SLC7A7: variants seen among roughly 807,000 people sequenced by gnomAD.
The protein encoded by SLC7A7 is Y+L amino acid transporter 1.
A neutral mutation model predicts 47.9 loss-of-function variants in SLC7A7; 39 were observed. The observed-to-expected ratio is 0.81, with a 90% CI of 0.63 to 1.06. The LOEUF (loss-of-function observed/expected upper bound fraction) is 1.06. Ranked by LOEUF, SLC7A7 falls within the 50% of genes least tolerant of loss-of-function variation. SLC7A7 has a pLI of 0.00. For synonymous variants in SLC7A7, 234 were observed against 242.8 expected (o/e 0.96, Z 0.34); for missense variants, 588 against 632.0 (o/e 0.93, Z 0.75).
chr14:22,774,303 A>G (rs1224919866), intron 8 of SLC7A7, 51 bp downstream of exon 8: 1 of 1,613,498 alleles, frequency 6.2e-7, no homozygotes, highest in East Asian at 2.2e-5. Context: ...CCCTTGTAGC[A>G]ACAACTCCAG....
rs746407012 is a variant in SLC7A7 at position 22,795,386 on chromosome 14, C to CTTGCTTGCTT, written c.500-15336_500-15335insAAGCAAGCAA. 8.8e-3 allele frequency among the ~76,000 whole-genome samples: 213 copies of CTTGCTTGCTT among 24,318 alleles called. 2 individuals are homozygous for CTTGCTTGCTT. Among genetic ancestry groups the CTTGCTTGCTT allele is most frequent in the Middle Eastern group, 0.015 (1 of 66 alleles). The allele number at this position is 24,318 out of a possible 152,430, so 16.0% of individuals were successfully genotyped here. A position where few individuals can be genotyped will look rare whatever the true frequency, so the allele number is the denominator to read the frequency against. The stretch of plus-strand genomic sequence containing the variant: ...GCCCAATCTGAGTATTGCTTGCTTG[C>CTTGCTTGCTT]TTTCTTTCTTTCTTTCTTTCTTTCT... On this transcript the variant is annotated intron_variant, in intron 2 of 9. Transcript: ENST00000674313.
Position 22,774,080 on chromosome 14 carries a change from T to A in SLC7A7, c.1282A>T (p.Thr428Ser). Residue 428 changes from threonine (T) to serine (S), a missense_variant, in exon 9 of 10, where the codon ACC becomes TCC. By Grantham distance (58) the Thr-to-Ser change is moderately conservative. Coordinates refer to ENST00000674313, the MANE Select transcript of SLC7A7 (RefSeq NM_003982.4). The stretch of plus-strand genomic sequence containing the variant: ...AGTGGAACAGCCACCAGGAAGATGG[T>A]GCAGAGGCAGAAGACAATCGGGAAG... ...VFFPIVFCLC[T>S]IFLVAVPLYS... The A allele has an allele frequency of 1.2e-6, 2 of 1,613,962 alleles. No individual in the cohort carries two copies. The highest frequency in any genetic ancestry group is 1.7e-6 in the Non-Finnish European group (2 of 1,179,996).
chr14:22,812,501 A>T (rs182192774), intron 2 of SLC7A7, among the ~76,000 whole-genome samples: 2,049 of 150,920 alleles, frequency 0.014, 22 homozygotes, highest in Non-Finnish European at 0.019. Context: ...AGAAAAAAAA[A>T]TCAGTGTGCC....
chr14:22,813,191 C>T lies in SLC7A7; in HGVS notation c.208G>A (p.Gly70Ser), dbSNP rs1195832434. The T allele has an allele frequency of 6.2e-7, 1 of 1,614,170 alleles. No homozygotes were observed. Among genetic ancestry groups the T allele is most frequent in the East Asian group, 2.2e-5 (1 of 44,882 alleles). ...KGVLIYSASFGLSLVIWAVGG... is the reference protein window; with the variant it reads ...KGVLIYSASFSLSLVIWAVGG... Reference sequence around the variant, plus strand: ...ACAGCCCAGATGACCAGAGAGAGACCAAAGGAGGCACTGTATATGAGCACA... The same window carrying T: ...ACAGCCCAGATGACCAGAGAGAGACTAAAGGAGGCACTGTATATGAGCACA... Residue 70 changes from glycine (G) to serine (S), a missense_variant, in exon 2 of 10, where the codon GGT (glycine) becomes AGT (serine). By Grantham distance (56) the Gly-to-Ser change is moderately conservative. Transcript: ENST00000674313.
chr14:22,790,209 G>A (rs1266113373), intron 2 of SLC7A7, among the ~76,000 whole-genome samples: 1 of 151,644 alleles, frequency 6.6e-6, no homozygotes, highest in Non-Finnish European at 1.5e-5. Flanking sequence ...TGCACCTGTA[G>A]TCTCAACTAC....
At position 22,802,265 on chromosome 14, in the gene SLC7A7, G is replaced by T. The variant is rs149473504; in HGVS notation, c.499+10635C>A. ...TAAAAATACAAAAATTAGCAGGGCG[G>T]GGTGACATGCACCTGTAGTCCCAGC... On this transcript the variant is annotated intron_variant, in intron 2 of 9. Coordinates refer to ENST00000674313, the MANE Select transcript of SLC7A7 (RefSeq NM_003982.4). 3.4e-3 allele frequency among the ~76,000 whole-genome samples: 519 copies of T among 152,042 alleles called. 3 individuals carry two copies. Among genetic ancestry groups the T allele is most frequent in the African/African-American group, 0.012 (501 of 41,476 alleles).
chr14:22,779,359 A>C (rs959538437), intron 3 of SLC7A7, among the ~76,000 whole-genome samples: 2 of 152,192 alleles, frequency 1.3e-5, no homozygotes, highest in African/African-American at 4.8e-5. Context: ...GGCAGCGTGC[A>C]TGGAAGTTAA....
chr14:22,774,519 T>G lies in SLC7A7; in HGVS notation c.1096-16A>C. Reference sequence around the variant, plus strand: ...CCATGATACCCTGTAAGCGTGAGCCTAAGTCAGCTCTTCTCAGGGCCTTTG... The same window carrying G: ...CCATGATACCCTGTAAGCGTGAGCCGAAGTCAGCTCTTCTCAGGGCCTTTG... On this transcript the variant is annotated splice_polypyrimidine_tract_variant and intron_variant, in intron 7 of 9. Transcript: ENST00000674313. The G allele has an allele frequency of 6.2e-7, 1 of 1,614,164 alleles. No homozygotes were observed. The highest frequency in any genetic ancestry group is 8.5e-7 in the Non-Finnish European group (1 of 1,180,028).
chr14:22,779,891 A>T (rs780113997), intron 3 of SLC7A7, 35 bp downstream of exon 3: 3 of 1,607,516 alleles, frequency 1.9e-6, no homozygotes, highest in African/African-American at 2.7e-5. Context: ...GAAAATGCTT[A>T]AAAAAGATTA....
At chr14:22,800,688 AC>A (rs1226106426) in intron 2 of SLC7A7, among the ~76,000 whole-genome samples, 1 of 54,490 alleles carries the variant, frequency 1.8e-5, no homozygotes, top group Non-Finnish European at 5.6e-5. Flanking sequence ...TAATCCTAAC[AC>A]TTTGTTTGGG....
Position 22,780,020 on chromosome 14 carries a change from G to A in SLC7A7, c.531C>T (p.Val177=). 3.1e-6 allele frequency: 5 copies of A among 1,614,014 alleles called. No individual in the cohort carries two copies. Among genetic ancestry groups the A allele is most frequent in the Non-Finnish European group, 4.2e-6 (5 of 1,179,972 alleles). ...CLLTFINCAY[V]KWGTLVQDIF... ...TATCTTGTACCAGGGTTCCCCATTT[G>A]ACATAGGCACAGTTAATGAAGGTTA... is the stretch of plus-strand genomic sequence containing the variant. Residue 177 remains valine, a synonymous_variant, in exon 3 of 10, where the codon GTC becomes GTT. Coordinates refer to ENST00000674313, the MANE Select transcript of SLC7A7 (RefSeq NM_003982.4).
chr14:22,777,081 C>A (rs1195884971), intron 4 of SLC7A7, among the ~76,000 whole-genome samples: 2 of 141,176 alleles, frequency 1.4e-5, no homozygotes, highest in Admixed American at 7.5e-5. Context: ...GAGGTCAAGG[C>A]TGCAGTGAAC....
intron 2 of SLC7A7, among the ~76,000 whole-genome samples, chr14:22,794,871 C>T (rs927263804): frequency 6.6e-6 from 1 of 151,980 alleles, no homozygotes; most frequent in Non-Finnish European, 1.5e-5. Context: ...TTAAAACTCC[C>T]CAGGTGACTC....
At chr14:22,786,764 T>A (rs980082073) in intron 2 of SLC7A7, among the ~76,000 whole-genome samples, 18 of 151,926 alleles carry the variant, frequency 1.2e-4, no homozygotes, top group African/African-American at 4.3e-4. Flanking sequence ...TGAGAACACA[T>A]CTCCACAAAA....
chr14:22,777,142 TAAAAAAAAAAAA>T (rs35326556), intron 4 of SLC7A7, among the ~76,000 whole-genome samples: 1 of 64,144 alleles, frequency 1.6e-5, no homozygotes, highest in Non-Finnish European at 2.8e-5. Flanking sequence ...AGACCCTGTC[TAAAAAAAAAAAA>T]AAAAAAAAAA....
At chr14:22,808,164 C>CA (rs36057907) in intron 2 of SLC7A7, among the ~76,000 whole-genome samples, 32,008 of 137,784 alleles carry the variant, frequency 0.23, 3,928 homozygotes, top group East Asian at 0.44. Flanking sequence ...AACTTCATCT[C>CA]AAAAAAAAAA....
intron 2 of SLC7A7, among the ~76,000 whole-genome samples, chr14:22,812,568 C>T (rs1002978221): frequency 1.3e-5 from 2 of 149,438 alleles, no homozygotes; most frequent in Non-Finnish European, 3.0e-5. Flanking sequence ...CCTAGAAGTT[C>T]GAGGCTGAAG....
At chr14:22,805,827 T>C (rs912223176) in intron 2 of SLC7A7, among the ~76,000 whole-genome samples, 1 of 152,142 alleles carries the variant, frequency 6.6e-6, no homozygotes, top group South Asian at 2.1e-4. Flanking sequence ...AAATTACCCA[T>C]GTATGCTCAT....
chr14:22,786,021 CAA>C (rs1233024478), intron 2 of SLC7A7, among the ~76,000 whole-genome samples: 21 of 73,968 alleles, frequency 2.8e-4, no homozygotes, highest in Non-Finnish European at 1.7e-4. Flanking sequence ...GACTCTGTCT[CAA>C]AAAAAAAAAA....
Sources: allele counts gnomAD v4.1 joint callset (sites outside exome capture counted in the v4.1 genomes callset), GRCh38; gene constraint gnomAD v4.1.1; transcripts MANE v1.5; gene names NCBI Gene and HGNC (gene_info 2026-07-23, HGNC 2026-07-21).